Variants in MYL9 observed in about 807,000 individuals in gnomAD.
MYL9 encodes myosin light chain 9.
Under a neutral mutation model 12.8 loss-of-function variants are expected in MYL9, and 7 were observed. That is an observed-to-expected ratio of 0.55 (90% CI 0.31 to 1.03). The LOEUF (loss-of-function observed/expected upper bound fraction) is 1.03, where lower values mean the gene tolerates loss of function less well. Ranked by LOEUF, MYL9 falls within the 50% of genes least tolerant of loss-of-function variation. The pLI, the probability that MYL9 is intolerant of heterozygous loss-of-function variation, is 0.05. For synonymous variants in MYL9, 81 were observed against 87.8 expected, an observed-to-expected ratio of 0.92 and a Z score of 0.43; for missense variants, 190 against 242.7, an observed-to-expected ratio of 0.78 and a Z score of 1.44.
intron 1 of MYL9, among the ~76,000 whole-genome samples, chr20:36,542,692 T>C (rs550553228): frequency 9.1e-4 from 139 of 152,170 alleles, no homozygotes; most frequent in Non-Finnish European, 1.7e-3. Context: ...AATCCTGTCT[T>C]CCAGGTGGCC....
intron 2 of MYL9, among the ~76,000 whole-genome samples, chr20:36,545,439 G>A (rs1280309574): frequency 6.6e-6 from 1 of 150,906 alleles, no homozygotes; most frequent in Admixed American, 6.6e-5. Context: ...GGAGGTTGCA[G>A]TGAGCCGAGA....
intron 1 of MYL9, 116 bp from the exon 2 acceptor site, chr20:36,544,743 A>T: frequency 1.2e-6 from 1 of 819,488 alleles, no homozygotes; most frequent in Non-Finnish European, 1.9e-6. Context: ...TGGGAGCCCC[A>T]AATCCGTGGG....
chr20:36,542,189 C>T (rs531484058), intron 1 of MYL9, among the ~76,000 whole-genome samples: 23 of 152,246 alleles, frequency 1.5e-4, no homozygotes, highest in African/African-American at 5.3e-4. Flanking sequence ...GATGGACTCA[C>T]CCCTAGGGGG....
At chr20:36,548,828 G>A (rs2038134416) in intron 3 of MYL9, among the ~76,000 whole-genome samples, 1 of 152,116 alleles carries the variant, frequency 6.6e-6, no homozygotes, top group Non-Finnish European at 1.5e-5. Flanking sequence ...TGACACCTCG[G>A]AGACAGTCCC....
rs567763275 is a variant in MYL9, at chr20:36,545,808, T to C, written c.184+740T>C. 5.3e-5 allele frequency among the ~76,000 whole-genome samples: 8 copies of C among 152,006 alleles called. No homozygotes were observed. The East Asian group carries it at 1.6e-3, about 30-fold the overall frequency. On this transcript the variant is annotated intron_variant, in intron 2 of 3. Coordinates refer to ENST00000279022, the MANE Select transcript of MYL9 (RefSeq NM_006097.5). ...GCTGGGCGTGGTGGCGGGCGCCAGC[T>C]ACTCGGGAGGCTGAGGCAGGAGAAT...
Position 36,548,157 on chromosome 20 carries a change from C to G in MYL9, c.310C>G (p.Arg104Gly), listed in dbSNP as rs752683922. The G allele has an allele frequency of 1.9e-6, 3 of 1,613,704 alleles. No homozygotes were observed. In the South Asian group the frequency reaches 3.3e-5, roughly 18 times the overall value. Residue 104 changes from arginine to glycine, a missense_variant, in exon 3 of 4, where the codon CGC becomes GGC. By Grantham distance (125) the Arg-to-Gly change is moderately radical. Transcript: ENST00000279022. ...LNGTDPEDVI[R>G]NAFACFDEEA... ...CGGCACGGACCCCGAGGATGTGATTCGCAACGCCTTTGCCTGCTTCGACGA... is the reference window on the plus strand; with the variant it reads ...CGGCACGGACCCCGAGGATGTGATTGGCAACGCCTTTGCCTGCTTCGACGA...
At chr20:36,545,217 G>A (rs1194287037) in intron 2 of MYL9, 149 bp downstream of exon 2, 1 of 969,900 alleles carries the variant, frequency 1.0e-6, no homozygotes, top group Non-Finnish European at 1.5e-6. Context: ...GGGAAACTGG[G>A]CCGGGCGCGG....
chr20:36,544,674 G>C (rs1436634872), intron 1 of MYL9, among the ~76,000 whole-genome samples, 185 bp from the exon 2 acceptor site: 1 of 152,182 alleles, frequency 6.6e-6, no homozygotes, highest in African/African-American at 2.4e-5. Flanking sequence ...CAGAGAGGTA[G>C]AGGAAGTTGT....
intron 2 of MYL9, among the ~76,000 whole-genome samples, chr20:36,546,147 C>T (rs1374025084): frequency 6.6e-6 from 1 of 152,222 alleles, no homozygotes; most frequent in Non-Finnish European, 1.5e-5. Flanking sequence ...CAATTCTCTA[C>T]TGCAGATGGG....
Position 36,550,767 on chromosome 20 carries a change from G to C in MYL9, c.*1518G>C, listed in dbSNP as rs1033488925. ...CCAAACAGAGGCCCAAAAGTCCCTG[G>C]TATCAACTCCAGAAGGGGCGAGACC... On this transcript the variant is annotated 3_prime_UTR_variant, in exon 4 of 4. Coordinates refer to ENST00000279022, the MANE Select transcript of MYL9 (RefSeq NM_006097.5). 1 of 152,304 alleles carries C rather than the reference G, an allele frequency of 6.6e-6. No homozygotes were observed. The highest frequency in any genetic ancestry group is 1.5e-5 in the Non-Finnish European group (1 of 68,144). The allele number at this position is 152,304 out of a possible 1,614,324, so 9.4% of individuals were successfully genotyped here. A position where few individuals can be genotyped will look rare whatever the true frequency, so the allele number is the denominator to read the frequency against.
intron 2 of MYL9, among the ~76,000 whole-genome samples, chr20:36,545,659 T>G (rs117441983): frequency 0.018 from 2,720 of 148,100 alleles, 34 homozygotes; most frequent in Non-Finnish European, 0.028. Flanking sequence ...GGCCAGGCGC[T>G]GTGGCTCACG....
chr20:36,544,881 C>G lies in MYL9; in HGVS notation c.-4C>G. On this transcript the variant is annotated 5_prime_UTR_variant, in exon 2 of 4. Coordinates refer to ENST00000279022, the MANE Select transcript of MYL9 (RefSeq NM_006097.5). ...CAGGGAAGCCCCACCCACCAGAAGC[C>G]AAGATGTCCAGCAAGCGGGCCAAAG... The G allele has an allele frequency of 1.2e-6, 2 of 1,612,220 alleles. No individual in the cohort carries two copies. The highest frequency in any genetic ancestry group is 1.7e-6 in the Non-Finnish European group (2 of 1,179,038).
chr20:36,542,917 A>T (rs566701283), intron 1 of MYL9, among the ~76,000 whole-genome samples: 16 of 151,838 alleles, frequency 1.1e-4, no homozygotes, highest in Non-Finnish European at 2.1e-4. Flanking sequence ...CTGGGCTCAG[A>T]CCCAGCTGTG....
chr20:36,547,186 C>A (rs780192239), intron 2 of MYL9, among the ~76,000 whole-genome samples: 1 of 152,150 alleles, frequency 6.6e-6, no homozygotes, highest in Non-Finnish European at 1.5e-5. Flanking sequence ...AGCTCATATC[C>A]GTGGGTCTGC....
At chr20:36,545,568 T>A (rs1270451003) in intron 2 of MYL9, among the ~76,000 whole-genome samples, 1 of 151,370 alleles carries the variant, frequency 6.6e-6, no homozygotes, top group Non-Finnish European at 1.5e-5. Flanking sequence ...GTAGACAGGC[T>A]GACTCCACAG....
intron 3 of MYL9, among the ~76,000 whole-genome samples, 164 bp downstream of exon 3, chr20:36,548,357 G>A (rs779989453): frequency 4.6e-5 from 7 of 152,168 alleles, no homozygotes; most frequent in Non-Finnish European, 8.8e-5. Flanking sequence ...CAAAGGCTAG[G>A]CCAGAACAGC....
At position 36,549,430 on chromosome 20, in the gene MYL9, C is replaced by A; in HGVS notation, c.*181C>A. ...GCGTGCCGAGCTGAGGCAGATGTTC[C>A]CACAGTGACCCCAGAGCCCTGGGCT... On this transcript the variant is annotated 3_prime_UTR_variant, in exon 4 of 4. Coordinates refer to ENST00000279022, the MANE Select transcript of MYL9 (RefSeq NM_006097.5). 1 of 607,264 alleles carries A rather than the reference C, an allele frequency of 1.6e-6. No individual in the cohort carries two copies. Among genetic ancestry groups the A allele is most frequent in the Non-Finnish European group, 2.9e-6 (1 of 346,558 alleles). 37.6% of individuals were successfully genotyped at this position (607,264 alleles called of 1,614,324 possible).
Position 36,549,411 on chromosome 20 carries a change from C to T in MYL9, c.*162C>T, listed in dbSNP as rs1378027324. ...GAAACAGGCCAGGAGAAGTGCGTGC[C>T]GAGCTGAGGCAGATGTTCCCACAGT... is the stretch of plus-strand genomic sequence containing the variant. On this transcript the variant is annotated 3_prime_UTR_variant, in exon 4 of 4. Coordinates refer to ENST00000279022, the MANE Select transcript of MYL9 (RefSeq NM_006097.5). 4.6e-6 allele frequency: 3 copies of T among 652,810 alleles called. No individual in the cohort carries two copies. The highest frequency in any genetic ancestry group is 2.8e-5 in the East Asian group (1 of 36,206). 40.4% of individuals were successfully genotyped at this position (652,810 alleles called of 1,614,324 possible).
Position 36,545,065 on chromosome 20 carries a change from C to A in MYL9, c.181C>A (p.Leu61Met). 6.2e-6 allele frequency: 10 copies of A among 1,613,584 alleles called. No individual in the cohort carries two copies. Among genetic ancestry groups the A allele is most frequent in the Non-Finnish European group, 8.5e-6 (10 of 1,179,618 alleles). ...KEDLHDMLAS[L>M]GKNPTDEYLE... ...GGACCTGCACGACATGCTGGCCTCG[C>A]TGGGTGAGCTGGGACAGGGACAGGG... is the stretch of plus-strand genomic sequence containing the variant. The change falls in exon 2 of 4, where the codon CTG becomes ATG. Residue 61 changes from leucine (L) to methionine (M), a missense_variant. Transcript: ENST00000279022.
Sources: allele counts gnomAD v4.1 joint callset (sites outside exome capture counted in the v4.1 genomes callset), GRCh38; gene constraint gnomAD v4.1.1; transcripts MANE v1.5; gene names NCBI Gene and HGNC (gene_info 2026-07-23, HGNC 2026-07-21).